The following UBTD1 variants were observed in gnomAD, a reference collection of about 807,000 sequenced individuals.
The protein encoded by UBTD1 is ubiquitin domain-containing protein 1.
Under a neutral mutation model 21.7 loss-of-function variants are expected in UBTD1, and 19 were observed. That is an observed-to-expected ratio of 0.87 (90% CI 0.61 to 1.28). The LOEUF is 1.28. Ranked by LOEUF, UBTD1 falls within the 50% of genes most tolerant of loss-of-function variation. The pLI is 0.00. For synonymous variants in UBTD1, 116 were observed against 135.1 expected, an observed-to-expected ratio of 0.86 and a Z score of 0.98; for missense variants, 282 against 315.1, an observed-to-expected ratio of 0.89 and a Z score of 0.80.
chr10:97,558,617 C>T (rs2040676321), intron 1 of UBTD1, among the ~76,000 whole-genome samples: 1 of 151,836 alleles, frequency 6.6e-6, no homozygotes, highest in Non-Finnish European at 1.5e-5. Flanking sequence ...AGTCAGGTAG[C>T]CTCAGGGCTG....
chr10:97,562,976 T>A (rs1366977737), intron 1 of UBTD1, among the ~76,000 whole-genome samples: 1 of 151,942 alleles, frequency 6.6e-6, no homozygotes, highest in Non-Finnish European at 1.5e-5. Context: ...TCGGGCGGGA[T>A]TAGGGGCGGC....
chr10:97,529,391 A>G (rs1383635659), intron 1 of UBTD1, among the ~76,000 whole-genome samples: 1 of 152,224 alleles, frequency 6.6e-6, no homozygotes, highest in Non-Finnish European at 1.5e-5. Flanking sequence ...CAATCTCGGC[A>G]CTTTGGGGGG....
intron 1 of UBTD1, among the ~76,000 whole-genome samples, chr10:97,561,260 A>C (rs2040691418): frequency 6.6e-6 from 1 of 152,096 alleles, no homozygotes; most frequent in Admixed American, 6.5e-5. Context: ...GGCAGGTCTA[A>C]GCCGTCTGAG....
At position 97,568,080 on chromosome 10, in the gene UBTD1, A is replaced by C; in HGVS notation, c.237A>C (p.Glu79Asp). The C allele has an allele frequency of 6.2e-7, 1 of 1,613,896 alleles. No individual in the cohort carries two copies. Among genetic ancestry groups the C allele is most frequent in the Non-Finnish European group, 8.5e-7 (1 of 1,180,028 alleles). ...DALKAAAYAA[E>D]ANDHELAQAI... The stretch of plus-strand genomic sequence containing the variant: ...TCAAGGCTGCCGCCTATGCTGCTGA[A>C]GCCAACGACCACGAGCTGGCCCAGG... Residue 79 changes from glutamate to aspartate, a missense_variant, in exon 2 of 3, where the codon GAA becomes GAC. Glu to Asp is a conservative substitution (Grantham distance 45). Coordinates refer to ENST00000370664, the MANE Select transcript of UBTD1 (RefSeq NM_024954.5).
chr10:97,545,417 G>GGTGTGT (rs1564741812), intron 1 of UBTD1, among the ~76,000 whole-genome samples: 1 of 52,634 alleles, frequency 1.9e-5, no homozygotes, highest in African/African-American at 6.4e-5. Context: ...TGTGGGTGTG[G>GGTGTGT]GTGTGTGTGT....
chr10:97,527,989 G>A (rs1381345769), intron 1 of UBTD1, among the ~76,000 whole-genome samples: 15 of 151,658 alleles, frequency 9.9e-5, no homozygotes, highest in Admixed American at 1.3e-4. Flanking sequence ...GGTGGTGGCC[G>A]GGCAGAGGGG....
At position 97,565,869 on chromosome 10, in the gene UBTD1, T is replaced by C. The variant is rs370303128; in HGVS notation, c.71-2045T>C. ...CTGGGACTACAGCTGCATGCCACCA[T>C]GCCCGACTAATTTTTTGTATTTTTT... is the stretch of plus-strand genomic sequence containing the variant. On this transcript the variant is annotated intron_variant, in intron 1 of 2. Transcript: ENST00000370664. Among the ~76,000 whole-genome samples the C allele has an allele frequency of 5.2e-4, 79 of 151,938 alleles. 1 individual carries two copies. The highest frequency in any genetic ancestry group is 1.7e-3 in the African/African-American group (72 of 41,436).
Position 97,570,626 on chromosome 10 carries a change from G to A in UBTD1, c.*103G>A, listed in dbSNP as rs2040743086. 2 of 1,403,218 alleles carry A rather than the reference G, an allele frequency of 1.4e-6. No individual in the cohort carries two copies. The highest frequency in any genetic ancestry group is 1.4e-5 in the South Asian group (1 of 73,128). 86.9% of individuals were successfully genotyped at this position (1,403,218 alleles called of 1,614,324 possible). ...ATTTTCTTCAGGGGCCCTCCCCTCGGTGTGGCTGGTGGGTGAGCCGTGAAG... is the reference window on the plus strand; with the variant it reads ...ATTTTCTTCAGGGGCCCTCCCCTCGATGTGGCTGGTGGGTGAGCCGTGAAG... On this transcript the variant is annotated 3_prime_UTR_variant, in exon 3 of 3. Transcript: ENST00000370664. This position sits in a 1 kb window ranked among gnomAD's most constrained non-coding sequence, Gnocchi z 6.6.
intron 1 of UBTD1, among the ~76,000 whole-genome samples, chr10:97,558,266 G>T (rs1308140550): frequency 6.6e-6 from 1 of 152,182 alleles, no homozygotes; most frequent in East Asian, 1.9e-4. Flanking sequence ...GGCGGGGTTA[G>T]GGTGTTGCAA....
At chr10:97,520,355 T>C (rs541856863) in intron 1 of UBTD1, among the ~76,000 whole-genome samples, 1 of 152,304 alleles carries the variant, frequency 6.6e-6, no homozygotes, top group South Asian at 2.1e-4. Flanking sequence ...ATCTGAAGCA[T>C]CTGTCTGCAT....
intron 1 of UBTD1, among the ~76,000 whole-genome samples, chr10:97,553,661 C>T (rs2040650914): frequency 1.3e-5 from 2 of 152,138 alleles, no homozygotes; most frequent in African/African-American, 4.8e-5. Flanking sequence ...AGAGAGCCAA[C>T]ACCAGCCCAG....
At chr10:97,546,994 G>A (rs980728680) in intron 1 of UBTD1, among the ~76,000 whole-genome samples, 3 of 152,076 alleles carry the variant, frequency 2.0e-5, no homozygotes, top group Non-Finnish European at 2.9e-5. Flanking sequence ...TTTCAGCCTT[G>A]GTTTCCTTGT....
At chr10:97,533,472 G>A (rs756548099) in intron 1 of UBTD1, among the ~76,000 whole-genome samples, 1 of 152,296 alleles carries the variant, frequency 6.6e-6, no homozygotes, top group East Asian at 1.9e-4. Context: ...ACGCCATAGC[G>A]GGTGGGAGAA....
At chr10:97,504,844 A>T (rs1430653469) in intron 1 of UBTD1, among the ~76,000 whole-genome samples, 2 of 152,182 alleles carry the variant, frequency 1.3e-5, no homozygotes, top group East Asian at 1.9e-4. Flanking sequence ...TATCTCTGGG[A>T]CTGGCTTCTC....
chr10:97,558,345 C>T (rs988532376), intron 1 of UBTD1, among the ~76,000 whole-genome samples: 1 of 152,152 alleles, frequency 6.6e-6, no homozygotes, highest in Non-Finnish European at 1.5e-5. Flanking sequence ...CATTCGTTAG[C>T]TAATGATGTC....
intron 1 of UBTD1, among the ~76,000 whole-genome samples, chr10:97,558,640 A>T (rs1222579405): frequency 2.8e-5 from 4 of 143,858 alleles, no homozygotes; most frequent in African/African-American, 1.0e-4. Context: ...GCCGACATGA[A>T]TTTTTTTTTT....
intron 1 of UBTD1, among the ~76,000 whole-genome samples, chr10:97,555,069 A>G (rs1472425302): frequency 5.3e-5 from 8 of 152,200 alleles, no homozygotes; most frequent in Admixed American, 5.2e-4. Context: ...GGAGGCAGGG[A>G]AACTGTAGAA....
chr10:97,566,324 C>A (rs558533027), intron 1 of UBTD1, among the ~76,000 whole-genome samples: 42 of 143,652 alleles, frequency 2.9e-4, no homozygotes, highest in African/African-American at 1.1e-3. Context: ...GGAACTTTAT[C>A]TTGGGAATTC....
intron 1 of UBTD1, among the ~76,000 whole-genome samples, chr10:97,500,462 T>C (rs1158715377): frequency 5.3e-5 from 8 of 152,204 alleles, no homozygotes; most frequent in Admixed American, 2.6e-4. Flanking sequence ...GTAAAACTTA[T>C]TGAAATTCTC....
Sources: allele counts gnomAD v4.1 joint callset (sites outside exome capture counted in the v4.1 genomes callset), GRCh38; gene constraint gnomAD v4.1.1; non-coding constraint Gnocchi (gnomAD v3.1); transcripts MANE v1.5; gene names NCBI Gene and HGNC (gene_info 2026-07-23, HGNC 2026-07-21).